The following BIRC6 variants were observed in gnomAD, a reference collection of about 807,000 sequenced individuals.
The protein encoded by BIRC6 is baculoviral IAP repeat containing 6.
In BIRC6, 98 loss-of-function variants were observed where a neutral mutation model predicts 503.3. That is an observed-to-expected ratio of 0.19 (90% CI 0.17 to 0.23). The LOEUF is 0.23. Among genes scored for constraint, BIRC6 ranks in the 10% least tolerant of loss-of-function variants. BIRC6 has a pLI of 1.00. For missense variants in BIRC6, 5,360 were observed against 5,806.0 expected (o/e 0.92, Z 2.50); for synonymous variants, 2,240 against 2,078.7 (o/e 1.08, Z -2.11).
intron 11 of BIRC6, among the ~76,000 whole-genome samples, chr2:32,430,493 T>A (rs980028791): frequency 1.7e-4 from 26 of 152,278 alleles, no homozygotes; most frequent in African/African-American, 5.8e-4. Context: ...AAAAATAGGG[T>A]CTAAAAGTTA....
chr2:32,413,779 G>A (rs1409348233), intron 9 of BIRC6, among the ~76,000 whole-genome samples: 2 of 151,514 alleles, frequency 1.3e-5, no homozygotes, highest in African/African-American at 2.4e-5. Context: ...ACCAAAACCT[G>A]GATGTGCTCA....
At chr2:32,599,021 CAAAA>C (rs35744882) in intron 69 of BIRC6, among the ~76,000 whole-genome samples, 7 of 27,828 alleles carry the variant, frequency 2.5e-4, no homozygotes, top group African/African-American at 1.1e-3. Context: ...AACTCCATCT[CAAAA>C]AAAAAAAAAA....
chr2:32,400,336 CTTTTTTTTTT>C (rs746431747), intron 6 of BIRC6, among the ~76,000 whole-genome samples: 1 of 118,320 alleles, frequency 8.5e-6, no homozygotes, highest in African/African-American at 3.2e-5. Flanking sequence ...GCTTTCAGAT[CTTTTTTTTTT>C]TTTTTTTTTT....
chr2:32,598,505 T>C (rs948427135), intron 69 of BIRC6, among the ~76,000 whole-genome samples: 1 of 152,188 alleles, frequency 6.6e-6, no homozygotes, highest in African/African-American at 2.4e-5. Flanking sequence ...CTGTGAATTA[T>C]AGGTAATACA....
chr2:32,534,253 T>A (rs3925439), intron 61 of BIRC6, among the ~76,000 whole-genome samples: 151,776 of 151,776 alleles, frequency 1, 75,888 homozygotes, highest in Non-Finnish European at 1. Flanking sequence ...GGGTGCCTGT[T>A]ATCCCAGCCG....
intron 65 of BIRC6, among the ~76,000 whole-genome samples, chr2:32,551,916 C>T (rs1384088276): frequency 6.6e-6 from 1 of 152,116 alleles, no homozygotes; most frequent in Non-Finnish European, 1.5e-5. Flanking sequence ...GAGTAGTCCT[C>T]ATAATTTTGC....
chr2:32,469,227 A>G (rs535846130), intron 29 of BIRC6, among the ~76,000 whole-genome samples, 168 bp from the exon 30 acceptor site: 1 of 152,362 alleles, frequency 6.6e-6, no homozygotes, highest in South Asian at 2.1e-4. Flanking sequence ...TTTCGTCTCC[A>G]AGTATGTAAC....
intron 1 of BIRC6, among the ~76,000 whole-genome samples, chr2:32,359,175 T>C (rs1210786157): frequency 1.3e-5 from 2 of 152,230 alleles, no homozygotes; most frequent in Non-Finnish European, 2.9e-5. Context: ...GTCTACACTT[T>C]CTAGTATATG....
chr2:32,433,737 C>A lies in BIRC6; in HGVS notation c.3342C>A (p.Ile1114=). 1 of 1,601,704 alleles carries A rather than the reference C, an allele frequency of 6.2e-7. No individual in the cohort carries two copies. The highest frequency in any genetic ancestry group is 8.5e-7 in the Non-Finnish European group (1 of 1,171,298). ...TCAAATTCGTTTTGAACTCAAACAT[C>A]ACCAATATTCCACAGATACAAGTGA... The part of the protein sequence containing the change: ...VDFKFVLNSN[I]TNIPQIQVTL... Residue 1114 remains isoleucine (I), a synonymous_variant, in exon 13 of 74, where the codon ATC becomes ATA. Coordinates refer to ENST00000421745, the MANE Select transcript of BIRC6 (RefSeq NM_016252.4).
chr2:32,496,487 T>C (rs1248291540), intron 45 of BIRC6, among the ~76,000 whole-genome samples: 1 of 152,134 alleles, frequency 6.6e-6, no homozygotes, highest in Admixed American at 6.5e-5. Flanking sequence ...ATTTCCCAAA[T>C]TGCTGGGTTT....
At chr2:32,408,603 C>T (rs76790860) in intron 9 of BIRC6, among the ~76,000 whole-genome samples, 4,507 of 152,204 alleles carry the variant, frequency 0.03, 128 homozygotes, top group African/African-American at 0.08. Context: ...TTTACAGTTA[C>T]AATACTCGTA....
chr2:32,373,553 C>CT, intron 1 of BIRC6, among the ~76,000 whole-genome samples: 1 of 152,116 alleles, frequency 6.6e-6, no homozygotes, highest in East Asian at 1.9e-4. Context: ...TAAAGTTGGA[C>CT]TTTAACACCA....
At chr2:32,416,202 A>C in intron 10 of BIRC6, 39 bp downstream of exon 10, 2 of 1,515,176 alleles carry the variant, frequency 1.3e-6, no homozygotes, top group Non-Finnish European at 1.8e-6. Flanking sequence ...TATAAAATCC[A>C]TGTATATATG....
intron 61 of BIRC6, among the ~76,000 whole-genome samples, chr2:32,536,385 C>T (rs2057235587): frequency 6.6e-6 from 1 of 152,258 alleles, no homozygotes; most frequent in East Asian, 1.9e-4. Flanking sequence ...CTTGCCCATG[C>T]CTATGTCCTG....
At chr2:32,459,512 A>G (rs1360626694) in intron 23 of BIRC6, among the ~76,000 whole-genome samples, 1 of 152,086 alleles carries the variant, frequency 6.6e-6, no homozygotes, top group Admixed American at 6.5e-5. Context: ...TGTTGTTGCT[A>G]TTCTAGGTCT....
intron 44 of BIRC6, 110 bp from the exon 45 acceptor site, chr2:32,493,430 C>A: frequency 9.8e-7 from 1 of 1,016,216 alleles, no homozygotes; most frequent in Non-Finnish European, 1.4e-6. Context: ...TTTCCTCGTA[C>A]GAAAAGTTAC....
chr2:32,431,737 G>T (rs970999501), intron 12 of BIRC6, among the ~76,000 whole-genome samples: 3 of 152,146 alleles, frequency 2.0e-5, no homozygotes, highest in African/African-American at 7.2e-5. Flanking sequence ...ATACTCAAAT[G>T]CTTGTTTTGT....
intron 65 of BIRC6, among the ~76,000 whole-genome samples, chr2:32,560,164 C>T (rs992959206): frequency 5.3e-5 from 8 of 152,078 alleles, no homozygotes; most frequent in Admixed American, 5.2e-4. Context: ...AAGAAAAATA[C>T]AGAAATACAA....
At chr2:32,589,759 T>C (rs1398457558) in intron 66 of BIRC6, among the ~76,000 whole-genome samples, 2 of 152,202 alleles carry the variant, frequency 1.3e-5, no homozygotes, top group Non-Finnish European at 2.9e-5. Context: ...TGCTGAAACA[T>C]ATTATTTGTG....
Sources: allele counts gnomAD v4.1 joint callset (sites outside exome capture counted in the v4.1 genomes callset), GRCh38; gene constraint gnomAD v4.1.1; transcripts MANE v1.5; gene names NCBI Gene and HGNC (gene_info 2026-07-23, HGNC 2026-07-21).